TRAPPC9: variants seen among roughly 807,000 people sequenced by gnomAD.
TRAPPC9 encodes the protein IKK2 binding protein.
TRAPPC9 carries 83 observed loss-of-function variants against 124.0 expected under a neutral mutation model. The observed-to-expected ratio is 0.67, with a 90% CI of 0.56 to 0.80. The LOEUF (loss-of-function observed/expected upper bound fraction) is 0.80, where lower values mean the gene tolerates loss of function less well. Among genes scored for constraint, TRAPPC9 ranks in the 30% least tolerant of loss-of-function variants. The pLI is 0.00. For synonymous variants in TRAPPC9, 638 were observed against 617.5 expected (o/e 1.03, Z -0.49); for missense variants, 1,302 against 1,508.3 (o/e 0.86, Z 2.27).
chr8:139,880,991 A>G (rs968584185), intron 21 of TRAPPC9: 2 of 152,200 alleles, frequency 1.3e-5, no homozygotes, highest in African/African-American at 4.8e-5. Context: ...TGTTTCTTAA[A>G]AGCCATGCAT....
At chr8:140,390,748 A>G (rs2068902466) in intron 7 of TRAPPC9, among the ~76,000 whole-genome samples, 1 of 152,040 alleles carries the variant, frequency 6.6e-6, no homozygotes, top group Non-Finnish European at 1.5e-5. Context: ...AATATACCAG[A>G]CTCTTGTTCA....
At chr8:140,284,140 C>T in intron 13 of TRAPPC9, 119 bp from the exon 14 acceptor site, 2 of 1,336,814 alleles carry the variant, frequency 1.5e-6, no homozygotes, top group Non-Finnish European at 2.1e-6. Flanking sequence ...CCGAAGCTGC[C>T]CGGGGCCCGC....
At chr8:140,002,649 A>G (rs1213149645) in intron 18 of TRAPPC9, among the ~76,000 whole-genome samples, 3 of 152,142 alleles carry the variant, frequency 2.0e-5, no homozygotes, top group Non-Finnish European at 4.4e-5. Context: ...GTAAGGACTT[A>G]CTACAAGGTA....
At chr8:139,731,363 C>A in intron 22 of TRAPPC9, 135 bp from the exon 23 acceptor site, 1 of 999,466 alleles carries the variant, frequency 1.0e-6, no homozygotes, top group Admixed American at 2.0e-5. Context: ...GCTCCAGTGC[C>A]CCCTCCAGCA....
intron 15 of TRAPPC9, among the ~76,000 whole-genome samples, chr8:140,253,257 G>A (rs1365962986): frequency 3.3e-5 from 5 of 152,018 alleles, no homozygotes; most frequent in Non-Finnish European, 7.4e-5. Flanking sequence ...CTAAATCAGA[G>A]TTAAACTAAA....
intron 21 of TRAPPC9, among the ~76,000 whole-genome samples, chr8:139,857,195 C>T (rs1177461450): frequency 2.6e-5 from 4 of 152,116 alleles, no homozygotes; most frequent in Non-Finnish European, 4.4e-5. Flanking sequence ...GAGGAGGGAG[C>T]GGTGGAGCGC....
At chr8:140,017,044 T>C (rs1439520415) in intron 18 of TRAPPC9, among the ~76,000 whole-genome samples, 1 of 152,236 alleles carries the variant, frequency 6.6e-6, no homozygotes, top group African/African-American at 2.4e-5. Context: ...TGATTAATAA[T>C]GTTGAACACT....
Position 139,928,181 on chromosome 8 carries a change from T to C in TRAPPC9, c.2811-17881A>G, listed in dbSNP as rs1290952397. On this transcript the variant is annotated intron_variant, in intron 19 of 22. Transcript: ENST00000438773. Reference sequence around the variant, plus strand: ...GGCTCTAAACCACTGGAGAAGTGTGTCTTCTAAAGTCAGAAACACCTCGGT... The same window carrying C: ...GGCTCTAAACCACTGGAGAAGTGTGCCTTCTAAAGTCAGAAACACCTCGGT... 2.0e-5 allele frequency among the ~76,000 whole-genome samples: 3 copies of C among 152,056 alleles called. No individual in the cohort carries two copies. The East Asian group carries it at 5.8e-4, about 29-fold the overall frequency.
upstream of TRAPPC9, chr8:140,458,554 G>T (rs2071794162): frequency 6.3e-7 from 1 of 1,578,242 alleles, no homozygotes; most frequent in Non-Finnish European, 8.6e-7. Context: ...TTGATCCCCA[G>T]CTGGCACCAT....
rs756710490 is a variant in TRAPPC9, at chr8:140,439,042, C to G, written c.730+10G>C. 6.2e-7 allele frequency: 1 copy of G among 1,614,036 alleles called. No homozygotes were observed. Among genetic ancestry groups the G allele is most frequent in the East Asian group, 2.2e-5 (1 of 44,880 alleles). On this transcript the variant is annotated intron_variant, in intron 3 of 22. Coordinates refer to ENST00000438773, the MANE Select transcript of TRAPPC9 (RefSeq NM_001160372.4). ...TTACATATCAGATCATCTTCATCAG[C>G]TCATCTTACCTCCAAGCCACAGAAA...
intron 16 of TRAPPC9, among the ~76,000 whole-genome samples, chr8:140,231,038 T>C (rs1475989929): frequency 1.3e-5 from 2 of 152,218 alleles, no homozygotes; most frequent in Admixed American, 1.3e-4. Flanking sequence ...CATAGAGTGC[T>C]AGGGGCAGGA....
chr8:139,832,023 C>G (rs1288962648), intron 21 of TRAPPC9, among the ~76,000 whole-genome samples: 1 of 152,156 alleles, frequency 6.6e-6, no homozygotes, highest in Non-Finnish European at 1.5e-5. Flanking sequence ...TTCCTGCTTC[C>G]CCTCCCAAGG....
intron 17 of TRAPPC9, among the ~76,000 whole-genome samples, chr8:140,133,504 G>A (rs1200311760): frequency 6.6e-6 from 1 of 152,292 alleles, no homozygotes; most frequent in Non-Finnish European, 1.5e-5. Context: ...TCAGGAACAG[G>A]ACAGCATGCC....
At chr8:140,324,200 TG>T (rs1336491606) in intron 9 of TRAPPC9, among the ~76,000 whole-genome samples, 9 of 151,986 alleles carry the variant, frequency 5.9e-5, no homozygotes, top group Non-Finnish European at 1.2e-4. Flanking sequence ...AATAAAAGGA[TG>T]GGGGGGAAAA....
chr8:139,900,223 C>T (rs573152564), intron 20 of TRAPPC9, among the ~76,000 whole-genome samples: 86 of 152,380 alleles, frequency 5.6e-4, no homozygotes, highest in Non-Finnish European at 1.0e-3. Context: ...TGGGTCCTCA[C>T]TTCCAGAGAC....
chr8:140,336,057 T>A (rs1417711536), intron 9 of TRAPPC9, among the ~76,000 whole-genome samples: 1 of 152,178 alleles, frequency 6.6e-6, no homozygotes, highest in Non-Finnish European at 1.5e-5. Flanking sequence ...TGTAATTCCT[T>A]ATTTTTAAGA....
chr8:140,094,791 G>A (rs1311776554), intron 17 of TRAPPC9: 3 of 152,148 alleles, frequency 2.0e-5, no homozygotes, highest in Non-Finnish European at 4.4e-5. Flanking sequence ...TGTAACTCTG[G>A]GCAGCTTCCT....
At chr8:140,389,414 G>T (rs946870213) in intron 7 of TRAPPC9, among the ~76,000 whole-genome samples, 56 of 152,282 alleles carry the variant, frequency 3.7e-4, no homozygotes, top group African/African-American at 1.1e-3. Context: ...TGGATTAAGT[G>T]CAGACACAGG....
intron 19 of TRAPPC9, among the ~76,000 whole-genome samples, chr8:139,973,953 G>A (rs527884477): frequency 5.3e-5 from 8 of 152,276 alleles, no homozygotes; most frequent in South Asian, 2.1e-4. Context: ...CTATAAGGAC[G>A]AATGGCAGGT....
Sources: gnomAD v4.1 joint callset for allele counts (sites outside exome capture counted in the v4.1 genomes callset) on GRCh38, gnomAD v4.1.1 for gene constraint, MANE v1.5 for transcripts, NCBI Gene and HGNC (gene_info 2026-07-23, HGNC 2026-07-21) for gene names.